The following IPPK variants were observed in gnomAD, a reference collection of about 807,000 sequenced individuals.
IPPK encodes the protein IPK1 homolog.
IPPK carries 22 observed loss-of-function variants against 64.6 expected under a neutral mutation model. That is an observed-to-expected ratio of 0.34 (90% CI 0.24 to 0.49). The LOEUF (loss-of-function observed/expected upper bound fraction) is 0.49, where lower values mean the gene tolerates loss of function less well. IPPK is among the 20% of genes least tolerant of loss of function. The probability of loss-of-function intolerance (pLI) is 0.99; values close to 1 mark genes in which losing one functional copy is unlikely to be tolerated. For missense variants in IPPK, 532 were observed against 630.7 expected, an observed-to-expected ratio of 0.84 and a Z score of 1.68; for synonymous variants, 262 against 247.2, an observed-to-expected ratio of 1.06 and a Z score of -0.56.
intron 8 of IPPK, among the ~76,000 whole-genome samples, chr9:92,639,402 C>G (rs537441957): frequency 1.3e-5 from 2 of 152,342 alleles, no homozygotes; most frequent in East Asian, 3.9e-4. Flanking sequence ...GCTTTCAATA[C>G]TGAACCGGAC....
intron 2 of IPPK, among the ~76,000 whole-genome samples, chr9:92,657,220 G>A (rs1370801976): frequency 6.6e-6 from 1 of 152,106 alleles, no homozygotes; most frequent in Admixed American, 6.5e-5. Flanking sequence ...ATGGTGGCGG[G>A]CACCTGTAAT....
At position 92,619,419 on chromosome 9, in the gene IPPK, A is replaced by C. The variant is rs1851551780; in HGVS notation, c.1250+67T>G. On this transcript the variant is annotated intron_variant, in intron 12 of 12. Coordinates refer to ENST00000287996, the MANE Select transcript of IPPK (RefSeq NM_022755.6). ...TATGGGGAAACCAACTATCCTATTA[A>C]CAATTCACCAACTGTCCATAAAACC... The C allele has an allele frequency of 3.9e-6, 5 of 1,277,738 alleles. No individual in the cohort carries two copies. In the African/African-American group the frequency reaches 5.9e-5, roughly 15 times the overall value. 79.2% of individuals were successfully genotyped at this position (1,277,738 alleles called of 1,614,324 possible).
intron 11 of IPPK, among the ~76,000 whole-genome samples, chr9:92,633,710 C>A (rs1851885806): frequency 2.6e-5 from 4 of 152,356 alleles, no homozygotes; most frequent in Non-Finnish European, 5.9e-5. Flanking sequence ...TAAACCACAT[C>A]TCAAAGTGTC....
chr9:92,662,476 T>C (rs1317754154), intron 1 of IPPK, among the ~76,000 whole-genome samples: 1 of 151,814 alleles, frequency 6.6e-6, no homozygotes, highest in Admixed American at 6.6e-5. Context: ...TGAGCCGAGA[T>C]TGTACCATTG....
intron 9 of IPPK, among the ~76,000 whole-genome samples, chr9:92,636,512 G>A (rs1267475585): frequency 3.3e-5 from 5 of 152,110 alleles, no homozygotes; most frequent in East Asian, 1.9e-4. Context: ...GTGGTAGTGC[G>A]TGTCGGTAGT....
Position 92,654,821 on chromosome 9 carries a change from C to T in IPPK, c.225+1635G>A, listed in dbSNP as rs930479991. Reference sequence around the variant, plus strand: ...AGAGCCGCCAGCCTGGCTGTCCCTTCACTCATGTCCCCAGCCTGAAAACTG... The same window carrying T: ...AGAGCCGCCAGCCTGGCTGTCCCTTTACTCATGTCCCCAGCCTGAAAACTG... On this transcript the variant is annotated intron_variant, in intron 3 of 12. Coordinates refer to ENST00000287996, the MANE Select transcript of IPPK (RefSeq NM_022755.6). Among the ~76,000 whole-genome samples the T allele has an allele frequency of 3.3e-5, 5 of 152,244 alleles. No homozygotes were observed. The East Asian group carries it at 9.6e-4, about 29-fold the overall frequency.
At chr9:92,621,140 A>T (rs902267913) in intron 11 of IPPK, among the ~76,000 whole-genome samples, 1 of 143,270 alleles carries the variant, frequency 7.0e-6, no homozygotes, top group Non-Finnish European at 1.5e-5. Flanking sequence ...CTCTACCCTC[A>T]TGACCTAATC....
intron 1 of IPPK, among the ~76,000 whole-genome samples, chr9:92,668,012 G>A (rs1197943705): frequency 6.6e-6 from 1 of 152,230 alleles, no homozygotes; most frequent in Non-Finnish European, 1.5e-5. Flanking sequence ...GCTCACGCCT[G>A]TAATCCCAGC....
chr9:92,640,971 A>G (rs985919753), intron 7 of IPPK, among the ~76,000 whole-genome samples, 189 bp from the exon 8 acceptor site: 1 of 152,038 alleles, frequency 6.6e-6, no homozygotes, highest in Non-Finnish European at 1.5e-5. Context: ...CCCTCCCCGG[A>G]GGGTCACAGA....
At chr9:92,649,412 C>G in intron 5 of IPPK, 41 bp downstream of exon 5, 2 of 1,612,610 alleles carry the variant, frequency 1.2e-6, no homozygotes, top group African/African-American at 1.3e-5. Context: ...CAAGACTGAC[C>G]TTTCCCCTTT....
intron 11 of IPPK, among the ~76,000 whole-genome samples, chr9:92,623,647 T>C (rs1473704132): frequency 6.6e-6 from 1 of 152,130 alleles, no homozygotes; most frequent in Non-Finnish European, 1.5e-5. Context: ...AGTAAACATA[T>C]GAGAAGGTAC....
At position 92,649,591 on chromosome 9, in the gene IPPK, G is replaced by C. The variant is rs367720585; in HGVS notation, c.293-17C>G. The C allele has an allele frequency of 3.7e-6, 6 of 1,613,384 alleles. No individual in the cohort carries two copies. In the African/African-American group the frequency reaches 4.0e-5, roughly 11 times the overall value. ...AGCGAGACTCTGGAAAACAGAGCAA[G>C]GGTCACACAGAGCAAGGTCAGTGAG... On this transcript the variant is annotated splice_polypyrimidine_tract_variant and intron_variant, in intron 4 of 12. Coordinates refer to ENST00000287996, the MANE Select transcript of IPPK (RefSeq NM_022755.6).
At chr9:92,638,830 T>C (rs1185597268) in intron 8 of IPPK, among the ~76,000 whole-genome samples, 1 of 152,210 alleles carries the variant, frequency 6.6e-6, no homozygotes, top group African/African-American at 2.4e-5. Flanking sequence ...AAGACGGTTC[T>C]GCCTTCTTAA....
At chr9:92,651,961 C>T (rs1337359505) in intron 4 of IPPK, among the ~76,000 whole-genome samples, 2 of 152,038 alleles carry the variant, frequency 1.3e-5, no homozygotes, top group Non-Finnish European at 2.9e-5. Flanking sequence ...ACGCTGGTCT[C>T]GAACTCCTGA....
chr9:92,616,562 C>G (rs903343810), intron 12 of IPPK: 2 of 154,758 alleles, frequency 1.3e-5, no homozygotes, highest in African/African-American at 4.8e-5. Flanking sequence ...CCTCTCCTGT[C>G]TGCTGAGAAA....
At chr9:92,630,617 GA>G (rs746645264) in intron 11 of IPPK, among the ~76,000 whole-genome samples, 21 of 152,026 alleles carry the variant, frequency 1.4e-4, no homozygotes, top group Non-Finnish European at 2.9e-4. Context: ...CAGTGATATG[GA>G]AAAACACATG....
At chr9:92,618,650 G>A (rs1337406111) in intron 12 of IPPK, 1 of 439,568 alleles carries the variant, frequency 2.3e-6, no homozygotes, top group Non-Finnish European at 4.6e-6. Flanking sequence ...GATAACAGGA[G>A]TTTTCAACTA....
chr9:92,627,851 A>T (rs575195027), intron 11 of IPPK, among the ~76,000 whole-genome samples: 1 of 152,252 alleles, frequency 6.6e-6, no homozygotes, highest in Non-Finnish European at 1.5e-5. Context: ...TAGTCAGGAA[A>T]TTACGCAAGA....
At chr9:92,623,151 C>T (rs183567753) in intron 11 of IPPK, among the ~76,000 whole-genome samples, 3 of 152,134 alleles carry the variant, frequency 2.0e-5, no homozygotes, top group Admixed American at 1.3e-4. Context: ...AATCAAAAGA[C>T]GGGCCAGGCA....
Sources: gnomAD v4.1 joint callset for allele counts (sites outside exome capture counted in the v4.1 genomes callset) on GRCh38, gnomAD v4.1.1 for gene constraint, MANE v1.5 for transcripts, NCBI Gene and HGNC (gene_info 2026-07-23, HGNC 2026-07-21) for gene names.